MACF1: variants seen among roughly 807,000 people sequenced by gnomAD.
MACF1 encodes the protein microtubule actin crosslinking factor 1, also known as microtubule-actin cross-linking factor 1.
In MACF1, 193 loss-of-function variants were observed where a neutral mutation model predicts 854.8. The observed-to-expected ratio is 0.23, with a 90% CI of 0.20 to 0.25. MACF1 has a LOEUF of 0.25. Among genes scored for constraint, MACF1 ranks in the 10% least tolerant of loss-of-function variants. MACF1 has a pLI of 1.00. For synonymous variants in MACF1, 3,185 were observed against 3,226.7 expected, an observed-to-expected ratio of 0.99 and a Z score of 0.44; for missense variants, 7,722 against 8,929.1, an observed-to-expected ratio of 0.86 and a Z score of 5.45.
chr1:39,147,576 G>A (rs954713415), intron 2 of MACF1, among the ~76,000 whole-genome samples: 1 of 150,174 alleles, frequency 6.7e-6, no homozygotes. Context: ...CTGGAGTACA[G>A]TGGCACAATC....
At chr1:39,319,523 A>C in intron 30 of MACF1, 141 bp from the exon 31 acceptor site, 1 of 572,726 alleles carries the variant, frequency 1.7e-6, no homozygotes, top group Non-Finnish European at 3.1e-6. Flanking sequence ...GGTGAGGCCC[A>C]GCAGTATGTG....
At chr1:39,414,409 G>GCCAA in intron 58 of MACF1, 1 of 1,613,982 alleles carries the variant, frequency 6.2e-7, no homozygotes, top group Non-Finnish European at 8.5e-7. Context: ...TGGCATAAAA[G>GCCAA]AGGTGACCAG....
chr1:39,283,263 C>T lies in MACF1; in HGVS notation c.770C>T (p.Ala257Val). The T allele has an allele frequency of 6.2e-7, 1 of 1,613,838 alleles. No individual in the cohort carries two copies. Among genetic ancestry groups the T allele is most frequent in the South Asian group, 1.1e-5 (1 of 91,058 alleles). ...RENLEQAFEV[A>V]ERLGVTRLLD... ...AATCTGGAACAGGCTTTTGAAGTGG[C>T]AGAAAGACTGGGGGTCACTCGCCTG... Residue 257 changes from alanine (A) to valine (V), a missense_variant, in exon 8 of 101, where the codon GCA becomes GTA. Physicochemically the swap from Ala to Val is moderately conservative, Grantham distance 64. Around this residue, in one of 15 missense-constraint regions of MACF1, gnomAD observed 108 missense variants for 196.4 expected, o/e 0.55. Coordinates refer to ENST00000564288, the MANE Select transcript of MACF1 (RefSeq NM_001394062.1). The surrounding 1 kb of genome is among the most constrained non-coding windows in gnomAD (Gnocchi z 4.5).
rs1642205548 is a variant in MACF1, at chr1:39,105,478, G to A, written c.220+21040G>A. 2 of 1,009,820 alleles carry A rather than the reference G, an allele frequency of 2.0e-6. No homozygotes were observed. Among genetic ancestry groups the A allele is most frequent in the African/African-American group, 3.5e-5 (2 of 57,368 alleles). The allele number at this position is 1,009,820 out of a possible 1,614,324, so 62.6% of individuals were successfully genotyped here. A position where few individuals can be genotyped will look rare whatever the true frequency, so the allele number is the denominator to read the frequency against. On this transcript the variant is annotated intron_variant, in intron 2 of 93. Transcript: ENST00000361689. The surrounding 1 kb of genome is among the most constrained non-coding windows in gnomAD (Gnocchi z 5.9). ...GAGCGGAGCGCGACTGCCGGGCCGGGCGAGGCGGGCGGACGGCGGAGAGCG... is the reference window on the plus strand; with the variant it reads ...GAGCGGAGCGCGACTGCCGGGCCGGACGAGGCGGGCGGACGGCGGAGAGCG...
intron 70 of MACF1, 172 bp from the exon 71 acceptor site, chr1:39,437,605 C>T: frequency 1.6e-6 from 1 of 635,914 alleles, no homozygotes; most frequent in Non-Finnish European, 2.9e-6. Flanking sequence ...AGCCACCACC[C>T]CTGGCCCAAA....
intron 40 of MACF1, 109 bp from the exon 41 acceptor site, chr1:39,346,868 T>C (rs1362707434): frequency 6.6e-6 from 5 of 752,642 alleles, no homozygotes; most frequent in Non-Finnish European, 1.1e-5. Context: ...GTGCCAGTTA[T>C]GAAAATACAG....
intron 2 of MACF1, among the ~76,000 whole-genome samples, chr1:39,126,728 G>C (rs1039390042): frequency 6.6e-6 from 1 of 151,570 alleles, no homozygotes; most frequent in Non-Finnish European, 1.5e-5. Context: ...CAGAGATTGC[G>C]GTGAGCCAAG....
At position 39,204,745 on chromosome 1, in the gene MACF1, TTGTTCC is replaced by T. The variant is rs1644431242; in HGVS notation, c.-276_-271del. 2.7e-6 allele frequency: 1 copy of T among 368,974 alleles called. No individual in the cohort carries two copies. Among genetic ancestry groups the T allele is most frequent in the South Asian group, 3.7e-5 (1 of 27,190 alleles). The allele number at this position is 368,974 out of a possible 1,614,324, so 22.9% of individuals were successfully genotyped here. On this transcript the variant is annotated 5_prime_UTR_variant, in exon 1 of 101. Coordinates refer to ENST00000564288, the MANE Select transcript of MACF1 (RefSeq NM_001394062.1). ...GCTTAGGCGCTCCTTTTCACTCTCCTTGTTCCTTCTTCCCTTTCCCCTCCCCCGCTG... is the reference window on the plus strand; with the variant it reads ...GCTTAGGCGCTCCTTTTCACTCTCCTTTCTTCCCTTTCCCCTCCCCCGCTG...
At position 39,163,340 on chromosome 1, in the gene MACF1, C is replaced by CAAAA. The variant is rs11371076; in HGVS notation, c.221-67825_221-67822dup. Among the ~76,000 whole-genome samples the CAAAA allele has an allele frequency of 1.2e-4, 10 of 80,286 alleles. 1 individual carries two copies. Among genetic ancestry groups the CAAAA allele is most frequent in the East Asian group, 7.4e-4 (2 of 2,694 alleles). 52.7% of individuals were successfully genotyped at this position (80,286 alleles called of 152,430 possible). On this transcript the variant is annotated intron_variant, in intron 2 of 93. Coordinates refer to the MACF1 transcript ENST00000361689. ...CCTGGGTGACAGAGCAAGACTGTCTCAAAAAAAAAAAAAAAAAAAAGAAAA... is the reference window on the plus strand; with the variant it reads ...CCTGGGTGACAGAGCAAGACTGTCTCAAAAAAAAAAAAAAAAAAAAAAAAGAAAA...
rs1557665577 is a variant in MACF1, at chr1:39,458,376, A to T, written c.21082A>T (p.Met7028Leu). The T allele has an allele frequency of 1.9e-6, 3 of 1,612,990 alleles. No individual in the cohort carries two copies. Among genetic ancestry groups the T allele is most frequent in the Non-Finnish European group, 2.5e-6 (3 of 1,179,656 alleles). ...KALIAEHQTF[M>L]EEMTRKQPDV... ...TATTTTTTGTGTTTAACAGACATTT[A>T]TGGAGGAGATGACTCGCAAACAGCC... The change falls in exon 90 of 101, where the codon ATG becomes TTG. Residue 7028 changes from methionine (M) to leucine (L), a missense_variant. By Grantham distance (15) the Met-to-Leu change is conservative (BLOSUM62 2). Coordinates refer to ENST00000564288, the MANE Select transcript of MACF1 (RefSeq NM_001394062.1).
intron 2 of MACF1, among the ~76,000 whole-genome samples, chr1:39,112,087 CT>C (rs569400137): frequency 0.023 from 3,136 of 133,488 alleles, 65 homozygotes; most frequent in African/African-American, 0.073. Flanking sequence ...TTATTCAAAT[CT>C]TTTTTTTTTT....
intron 14 of MACF1, among the ~76,000 whole-genome samples, chr1:39,286,540 C>T (rs1645648059): frequency 6.6e-6 from 1 of 151,592 alleles, no homozygotes. Context: ...GATCTCGGCT[C>T]ACTGCAACTT....
At chr1:39,160,287 A>C (rs1643770977) in intron 2 of MACF1, among the ~76,000 whole-genome samples, 1 of 152,226 alleles carries the variant, frequency 6.6e-6, no homozygotes, top group Non-Finnish European at 1.5e-5. Flanking sequence ...AGAGCCCCAG[A>C]GTCTGGAGTG....
At chr1:39,306,383 C>G (rs959567705) in intron 23 of MACF1, among the ~76,000 whole-genome samples, 1 of 152,088 alleles carries the variant, frequency 6.6e-6, no homozygotes, top group Non-Finnish European at 1.5e-5. Flanking sequence ...CCACCTCGGC[C>G]TCTCAAAGTG....
intron 41 of MACF1, 91 bp from the exon 42 acceptor site, chr1:39,349,387 A>G: frequency 7.4e-7 from 1 of 1,360,026 alleles, no homozygotes; most frequent in South Asian, 1.4e-5. Context: ...TCCTTGAGAT[A>G]TAACCTTCCT....
At chr1:39,097,037 C>G (rs71642674) in intron 2 of MACF1, among the ~76,000 whole-genome samples, 6 of 151,904 alleles carry the variant, frequency 3.9e-5, no homozygotes, top group Admixed American at 3.9e-4. Flanking sequence ...CCACCACGCC[C>G]GGCTAATTTT....
chr1:39,467,364 CA>C (rs1239284083), intron 95 of MACF1, among the ~76,000 whole-genome samples: 10 of 151,340 alleles, frequency 6.6e-5, no homozygotes, highest in Admixed American at 1.3e-4. Context: ...GACTCCATCT[CA>C]AAAAAAAGAA....
At chr1:39,461,480 A>AT (rs1019036383) in intron 92 of MACF1, among the ~76,000 whole-genome samples, 9 of 152,048 alleles carry the variant, frequency 5.9e-5, no homozygotes, top group African/African-American at 2.2e-4. Context: ...CAAGACATAA[A>AT]TTTTTTTGCT....
intron 1 of MACF1, among the ~76,000 whole-genome samples, chr1:39,228,744 CCT>C: frequency 6.6e-6 from 1 of 152,234 alleles, no homozygotes; most frequent in Non-Finnish European, 1.5e-5. Context: ...ACCTCCGCCT[CCT>C]GGGTTCAAGC....
Sources: gnomAD v4.1 joint callset for allele counts (sites outside exome capture counted in the v4.1 genomes callset) on GRCh38, gnomAD v4.1.1 for gene constraint, gnomAD v4.1.1 regional missense constraint, Gnocchi (gnomAD v3.1) non-coding constraint, MANE v1.5 for transcripts, NCBI Gene and HGNC (gene_info 2026-07-23, HGNC 2026-07-21) for gene names.